The following AGAP1 variants were observed in gnomAD, a reference collection of about 807,000 sequenced individuals.
AGAP1 encodes the protein ArfGAP with GTPase domain, ankyrin repeat and PH domain 1.
A neutral mutation model predicts 105.3 loss-of-function variants in AGAP1; 29 were observed. That is an observed-to-expected ratio of 0.28 (90% CI 0.21 to 0.38). The LOEUF is 0.38. AGAP1 is among the 10% of genes least tolerant of loss of function. The pLI, the probability that AGAP1 is intolerant of heterozygous loss-of-function variation, is 1.00. For missense variants in AGAP1, 998 were observed against 1,165.1 expected (o/e 0.86, Z 2.09); for synonymous variants, 509 against 485.9 (o/e 1.05, Z -0.63).
chr2:235,671,022 C>G, intron 1 of AGAP1: 3 of 1,310,752 alleles, frequency 2.3e-6, no homozygotes, highest in Non-Finnish European at 2.9e-6. Flanking sequence ...GCGCACTCGT[C>G]CAGCGCCGAG....
chr2:235,882,344 A>G lies in AGAP1; in HGVS notation c.1051-1001A>G. On this transcript the variant is annotated intron_variant, in intron 9 of 17. Coordinates refer to ENST00000304032, the MANE Select transcript of AGAP1 (RefSeq NM_001037131.3). The surrounding 1 kb of genome is among the most constrained non-coding windows in gnomAD (Gnocchi z 4.6). ...CTGGGGTCTTAAGGATGACGAGGGCAGGAAATCCTCCGGGCTCTTAGGAAA... is the reference window on the plus strand; with the variant it reads ...CTGGGGTCTTAAGGATGACGAGGGCGGGAAATCCTCCGGGCTCTTAGGAAA... The G allele has an allele frequency of 1.7e-6, 2 of 1,194,248 alleles. No homozygotes were observed. Among genetic ancestry groups the G allele is most frequent in the Non-Finnish European group, 1.2e-6 (1 of 831,930 alleles). 74.0% of individuals were successfully genotyped at this position (1,194,248 alleles called of 1,614,324 possible). A position where few individuals can be genotyped will look rare whatever the true frequency, so the allele number is the denominator to read the frequency against.
At chr2:235,746,713 C>A (rs531681604) in intron 5 of AGAP1, among the ~76,000 whole-genome samples, 6 of 151,972 alleles carry the variant, frequency 3.9e-5, no homozygotes, top group Non-Finnish European at 5.9e-5. Flanking sequence ...CCTGCAGGCC[C>A]GACCGTGGCA....
rs1030611226 is a variant in AGAP1 at position 235,900,088 on chromosome 2, T to C, written c.1156-8650T>C. Reference sequence around the variant, plus strand: ...AGAGAAGTCTGCTTTTGCCATCATGTAGGGACTCTCCACTGTACATGAAGC... The same window carrying C: ...AGAGAAGTCTGCTTTTGCCATCATGCAGGGACTCTCCACTGTACATGAAGC... On this transcript the variant is annotated intron_variant, in intron 10 of 17. Transcript: ENST00000304032. This position sits in a 1 kb window ranked among gnomAD's most constrained non-coding sequence, Gnocchi z 5.5. Among the ~76,000 whole-genome samples, 1 of 152,240 alleles carries C rather than the reference T, an allele frequency of 6.6e-6. No homozygotes were observed. Among genetic ancestry groups the C allele is most frequent in the South Asian group, 2.1e-4 (1 of 4,826 alleles).
chr2:235,973,216 C>T lies in AGAP1; in HGVS notation c.1645+4593C>T, dbSNP rs535844213. On this transcript the variant is annotated intron_variant, in intron 13 of 17. Coordinates refer to ENST00000304032, the MANE Select transcript of AGAP1 (RefSeq NM_001037131.3). The surrounding 1 kb of genome is among the most constrained non-coding windows in gnomAD (Gnocchi z 4.7). ...TCGCTGTGCTCTTTTTGCTGAAGAACAGCCACTTTGTTCTGCACCAGATGG... is the reference window on the plus strand; with the variant it reads ...TCGCTGTGCTCTTTTTGCTGAAGAATAGCCACTTTGTTCTGCACCAGATGG... Among the ~76,000 whole-genome samples the T allele has an allele frequency of 6.6e-6, 1 of 152,152 alleles. No homozygotes were observed. The highest frequency in any genetic ancestry group is 2.4e-5 in the African/African-American group (1 of 41,428).
At position 235,979,536 on chromosome 2, in the gene AGAP1, C is replaced by A. The variant is rs904318375; in HGVS notation, c.1645+10913C>A. Among the ~76,000 whole-genome samples, 2 of 152,168 alleles carry A rather than the reference C, an allele frequency of 1.3e-5. No homozygotes were observed. Among genetic ancestry groups the A allele is most frequent in the African/African-American group, 4.8e-5 (2 of 41,428 alleles). ...CTAATACCCTCCTGGCTTTCCACTC[C>A]ACCCCTTTCTCATCTCAGACATACC... is the stretch of plus-strand genomic sequence containing the variant. On this transcript the variant is annotated intron_variant, in intron 13 of 17. Transcript: ENST00000304032. This position sits in a 1 kb window ranked among gnomAD's most constrained non-coding sequence, Gnocchi z 4.5.
At chr2:235,885,501 G>A (rs975301442) in intron 10 of AGAP1, among the ~76,000 whole-genome samples, 9 of 152,146 alleles carry the variant, frequency 5.9e-5, no homozygotes, top group Admixed American at 2.6e-4. Flanking sequence ...TTGAAGAGTC[G>A]CATGTGCTTT....
Position 235,725,675 on chromosome 2 carries a change from G to C in AGAP1, c.310+8031G>C, listed in dbSNP as rs1242720545. On this transcript the variant is annotated intron_variant, in intron 3 of 17. Transcript: ENST00000304032. This position sits in a 1 kb window ranked among gnomAD's most constrained non-coding sequence, Gnocchi z 5.7. The stretch of plus-strand genomic sequence containing the variant: ...CTGTAAACGTTGAGATGATGAGCCT[G>C]CTGCTATGTTGGTTTAATAGATAAA... Among the ~76,000 whole-genome samples, 1 of 152,142 alleles carries C rather than the reference G, an allele frequency of 6.6e-6. No individual in the cohort carries two copies. The highest frequency in any genetic ancestry group is 1.5e-5 in the Non-Finnish European group (1 of 68,024).
At chr2:235,778,797 T>C (rs527622028) in intron 6 of AGAP1, among the ~76,000 whole-genome samples, 1 of 152,120 alleles carries the variant, frequency 6.6e-6, no homozygotes, top group Non-Finnish European at 1.5e-5. Flanking sequence ...GTAAACCCCA[T>C]GGGATCAGGA....
At chr2:235,497,844 C>T (rs1941388169) in intron 1 of AGAP1, among the ~76,000 whole-genome samples, 1 of 152,180 alleles carries the variant, frequency 6.6e-6, no homozygotes, top group Non-Finnish European at 1.5e-5. Flanking sequence ...GATCCACCCA[C>T]CTTGGCCTCC....
intron 1 of AGAP1, among the ~76,000 whole-genome samples, chr2:235,704,707 CT>C (rs1559373329): frequency 6.6e-6 from 1 of 152,224 alleles, no homozygotes; most frequent in Non-Finnish European, 1.5e-5. Context: ...TCACCTGTTG[CT>C]GGCTTTGCTA....
intron 16 of AGAP1, among the ~76,000 whole-genome samples, chr2:236,067,044 T>C (rs2058364171): frequency 6.6e-6 from 1 of 151,814 alleles, no homozygotes; most frequent in Non-Finnish European, 1.5e-5. Flanking sequence ...TTTTTATCAC[T>C]GAGACCTAAG....
chr2:235,769,105 T>G lies in AGAP1; in HGVS notation c.673+18617T>G, dbSNP rs1450959926. On this transcript the variant is annotated intron_variant, in intron 6 of 17. Transcript: ENST00000304032. This position sits in a 1 kb window ranked among gnomAD's most constrained non-coding sequence, Gnocchi z 4.4. ...CAGCCTTGGATCCTTTTCTCAGATA[T>G]TTTGTTTTCCTGGGTATTTTCCCTC... Among the ~76,000 whole-genome samples, 2 of 152,178 alleles carry G rather than the reference T, an allele frequency of 1.3e-5. No homozygotes were observed. Among genetic ancestry groups the G allele is most frequent in the Non-Finnish European group, 2.9e-5 (2 of 68,040 alleles).
rs1381243205 is a variant in AGAP1, at chr2:236,127,258, G to A, written c.*3136G>A. 3 of 152,140 alleles carry A rather than the reference G, an allele frequency of 2.0e-5. No individual in the cohort carries two copies. Among genetic ancestry groups the A allele is most frequent in the Non-Finnish European group, 2.9e-5 (2 of 68,022 alleles). The allele number at this position is 152,140 out of a possible 1,614,324, so 9.4% of individuals were successfully genotyped here. ...TGATTCTGACCTCAGGTGCTGGGAC[G>A]GGCAGATGGTTTCCCCCGCCCAGCA... On this transcript the variant is annotated 3_prime_UTR_variant, in exon 18 of 18. Coordinates refer to ENST00000304032, the MANE Select transcript of AGAP1 (RefSeq NM_001037131.3). This position sits in a 1 kb window ranked among gnomAD's most constrained non-coding sequence, Gnocchi z 6.6.
intron 1 of AGAP1, among the ~76,000 whole-genome samples, chr2:235,562,560 C>T (rs1227221183): frequency 6.8e-6 from 1 of 147,722 alleles, no homozygotes; most frequent in African/African-American, 2.5e-5. Flanking sequence ...CTGCCCCATG[C>T]TTTCTGGTGG....
chr2:235,538,646 C>T (rs900656276), intron 1 of AGAP1, among the ~76,000 whole-genome samples: 4 of 152,098 alleles, frequency 2.6e-5, no homozygotes, highest in African/African-American at 9.7e-5. Context: ...TGCTTACCCT[C>T]TTCCTCTTTG....
chr2:235,758,798 T>TTTTTG (rs143614890), intron 6 of AGAP1, among the ~76,000 whole-genome samples: 9,384 of 152,050 alleles, frequency 0.062, 959 homozygotes, highest in African/African-American at 0.21. Flanking sequence ...AGGCGTGTTG[T>TTTTTG]TTTTGTTTTG....
At position 236,123,739 on chromosome 2, in the gene AGAP1, C is replaced by T. The variant is rs893873533; in HGVS notation, c.2371-180C>T. Among the ~76,000 whole-genome samples the T allele has an allele frequency of 2.0e-5, 3 of 152,164 alleles. No homozygotes were observed. Among genetic ancestry groups the T allele is most frequent in the Non-Finnish European group, 4.4e-5 (3 of 68,028 alleles). On this transcript the variant is annotated intron_variant, in intron 17 of 17. Transcript: ENST00000304032. The surrounding 1 kb of genome is among the most constrained non-coding windows in gnomAD (Gnocchi z 4.6). ...GACATGTTCTTTCCTTAAAAGAATC[C>T]GCTGGCCACGGGTGCAGGCTGTGCC...
intron 1 of AGAP1, among the ~76,000 whole-genome samples, chr2:235,694,069 TGTG>T (rs1200929275): frequency 4.6e-5 from 7 of 152,280 alleles, no homozygotes; most frequent in South Asian, 4.1e-4. Flanking sequence ...GCTGGCCAGA[TGTG>T]GTGGCTTACA....
Position 235,875,916 on chromosome 2 carries a change from G to T in AGAP1, c.1051-7429G>T, listed in dbSNP as rs886080155. On this transcript the variant is annotated intron_variant, in intron 9 of 17. Coordinates refer to ENST00000304032, the MANE Select transcript of AGAP1 (RefSeq NM_001037131.3). The surrounding 1 kb of genome is among the most constrained non-coding windows in gnomAD (Gnocchi z 4.0). ...TTTCATTTTAAAAACTCAATGCATT[G>T]TTTGTTTATATTTAACATGGATTCA... 2.6e-5 allele frequency among the ~76,000 whole-genome samples: 4 copies of T among 152,136 alleles called. No individual in the cohort carries two copies. The highest frequency in any genetic ancestry group is 2.1e-4 in the South Asian group (1 of 4,832).
Sources: allele counts gnomAD v4.1 joint callset (sites outside exome capture counted in the v4.1 genomes callset), GRCh38; gene constraint gnomAD v4.1.1; non-coding constraint Gnocchi (gnomAD v3.1); transcripts MANE v1.5; gene names NCBI Gene and HGNC (gene_info 2026-07-23, HGNC 2026-07-21).